GDPD1: variants seen among roughly 807,000 people sequenced by gnomAD.
GDPD1 encodes the protein glycerophosphodiester phosphodiesterase domain containing 1.
Under a neutral mutation model 45.1 loss-of-function variants are expected in GDPD1, and 28 were observed. The ratio of observed to expected loss-of-function variants is 0.62; its 90% CI spans 0.46 to 0.85. The LOEUF (loss-of-function observed/expected upper bound fraction) is 0.85. Ranked by LOEUF, GDPD1 falls within the 40% of genes least tolerant of loss-of-function variation. The pLI is 0.00. For missense variants in GDPD1, 256 were observed against 364.8 expected, an observed-to-expected ratio of 0.70 and a Z score of 2.43; for synonymous variants, 139 against 131.4, an observed-to-expected ratio of 1.06 and a Z score of -0.40.
chr17:59,229,128 A>G (rs765801455), intron 1 of GDPD1, among the ~76,000 whole-genome samples: 15 of 92,862 alleles, frequency 1.6e-4, no homozygotes, highest in African/African-American at 4.8e-4. Context: ...AATTGTTATT[A>G]TTATTATTAT....
chr17:59,260,533 C>T (rs1163078209), intron 6 of GDPD1, among the ~76,000 whole-genome samples: 2 of 151,208 alleles, frequency 1.3e-5, no homozygotes, highest in Non-Finnish European at 3.0e-5. Context: ...GAGACCGAGA[C>T]TCTTCTAAAA....
rs559210967 is a variant in GDPD1 at position 59,222,830 on chromosome 17, T to C, written c.142+2079T>C. Among the ~76,000 whole-genome samples, 41 of 152,288 alleles carry C rather than the reference T, an allele frequency of 2.7e-4. No individual in the cohort carries two copies. In the Middle Eastern group the frequency reaches 0.017, roughly 63 times the overall value. ...GCACCCTGCCAGAGGCAATTTTCAA[T>C]GATAGTAGTCCTATTCTGGGGATAG... On this transcript the variant is annotated intron_variant, in intron 1 of 9. Coordinates refer to ENST00000284116, the MANE Select transcript of GDPD1 (RefSeq NM_182569.4).
intron 5 of GDPD1, 94 bp from the exon 6 acceptor site, chr17:59,257,655 TCA>T: frequency 1.3e-6 from 1 of 763,682 alleles, no homozygotes. Flanking sequence ...TGCTATTCAT[TCA>T]CAGATAGTCA....
chr17:59,272,256 C>G (rs908390349), intron 8 of GDPD1, among the ~76,000 whole-genome samples: 1 of 152,122 alleles, frequency 6.6e-6, no homozygotes. Context: ...TGAAAGTTCA[C>G]TTATCAGTGA....
At chr17:59,222,072 C>G (rs1177430108) in intron 1 of GDPD1, among the ~76,000 whole-genome samples, 2 of 152,138 alleles carry the variant, frequency 1.3e-5, no homozygotes, top group Non-Finnish European at 2.9e-5. Context: ...TTAATAGCTA[C>G]CTGGTTAAAC....
chr17:59,248,729 T>C lies in GDPD1; in HGVS notation c.322-11T>C, dbSNP rs761778372. On this transcript the variant is annotated splice_polypyrimidine_tract_variant and intron_variant, in intron 3 of 9. Coordinates refer to ENST00000284116, the MANE Select transcript of GDPD1 (RefSeq NM_182569.4). ...AGAGTTAACTTTTTTTTCAATCATATCTTTTTAAAGGAGCTCCCACCTTAC... is the reference window on the plus strand; with the variant it reads ...AGAGTTAACTTTTTTTTCAATCATACCTTTTTAAAGGAGCTCCCACCTTAC... 6.3e-7 allele frequency: 1 copy of C among 1,580,864 alleles called. No individual in the cohort carries two copies. Among genetic ancestry groups the C allele is most frequent in the Non-Finnish European group, 8.6e-7 (1 of 1,161,716 alleles).
At chr17:59,255,778 T>TATAC (rs1555724169) in intron 4 of GDPD1, among the ~76,000 whole-genome samples, 4 of 77,186 alleles carry the variant, frequency 5.2e-5, no homozygotes, top group Non-Finnish European at 8.8e-5. Context: ...TATATATATA[T>TATAC]ATATATACGC....
At chr17:59,241,049 T>C (rs1178082064) in intron 2 of GDPD1, among the ~76,000 whole-genome samples, 1 of 152,230 alleles carries the variant, frequency 6.6e-6, no homozygotes, top group Non-Finnish European at 1.5e-5. Flanking sequence ...AGTACAGTAA[T>C]GTGCTGTACA....
intron 1 of GDPD1, among the ~76,000 whole-genome samples, chr17:59,232,486 A>G (rs2047099133): frequency 6.6e-6 from 1 of 152,186 alleles, no homozygotes. Flanking sequence ...CACTGAAAGA[A>G]ATGGATATCG....
At chr17:59,265,893 CCT>C (rs2147903877) in intron 6 of GDPD1, among the ~76,000 whole-genome samples, 1 of 128,906 alleles carries the variant, frequency 7.8e-6, no homozygotes, top group East Asian at 2.4e-4. Flanking sequence ...GACAGTGAGA[CCT>C]TATCTCAAAA....
At chr17:59,247,174 A>G (rs919964748) in intron 3 of GDPD1, among the ~76,000 whole-genome samples, 1 of 152,202 alleles carries the variant, frequency 6.6e-6, no homozygotes, top group Non-Finnish European at 1.5e-5. Context: ...CAGTTACCGC[A>G]CAGACACAGA....
chr17:59,253,457 G>GT (rs2047271449), intron 4 of GDPD1, among the ~76,000 whole-genome samples: 1 of 152,094 alleles, frequency 6.6e-6, no homozygotes, highest in African/African-American at 2.4e-5. Flanking sequence ...TCCCACCTCA[G>GT]CCTTCCAAAG....
chr17:59,224,230 G>A (rs73321256), intron 1 of GDPD1, among the ~76,000 whole-genome samples: 3,983 of 152,072 alleles, frequency 0.026, 195 homozygotes, highest in African/African-American at 0.089. Flanking sequence ...GTTCAAGATG[G>A]GCCAATGGAT....
chr17:59,241,411 G>A (rs746758831), intron 2 of GDPD1, among the ~76,000 whole-genome samples: 11 of 152,068 alleles, frequency 7.2e-5, no homozygotes, highest in Non-Finnish European at 1.3e-4. Context: ...TCTGCCTCCC[G>A]GGTTCAAGCA....
chr17:59,221,249 T>C (rs2047002068), intron 1 of GDPD1, among the ~76,000 whole-genome samples: 1 of 151,798 alleles, frequency 6.6e-6, no homozygotes, highest in Non-Finnish European at 1.5e-5. Flanking sequence ...ACCCCTTGTC[T>C]GCGGTGCTGG....
At chr17:59,269,335 G>C (rs1208896396) in intron 7 of GDPD1, among the ~76,000 whole-genome samples, 3 of 151,892 alleles carry the variant, frequency 2.0e-5, no homozygotes, top group Admixed American at 6.6e-5. Context: ...GTACTCTTGT[G>C]CTCAACTTCT....
At chr17:59,242,884 A>C (rs748694370) in intron 2 of GDPD1, among the ~76,000 whole-genome samples, 19 of 152,138 alleles carry the variant, frequency 1.2e-4, no homozygotes, top group Non-Finnish European at 2.6e-4. Context: ...TGCAGTGCAC[A>C]TGTGGGCATT....
At chr17:59,250,782 C>T (rs1448206418) in intron 4 of GDPD1, among the ~76,000 whole-genome samples, 1 of 152,146 alleles carries the variant, frequency 6.6e-6, no homozygotes, top group Non-Finnish European at 1.5e-5. Flanking sequence ...TCACTGCAAC[C>T]TCCACCTCCT....
At chr17:59,233,524 A>G (rs201628144) in intron 1 of GDPD1, among the ~76,000 whole-genome samples, 2 of 150,960 alleles carry the variant, frequency 1.3e-5, no homozygotes, top group Admixed American at 6.6e-5. Context: ...AAAAAAAAAA[A>G]AAAAAGAAAG....
Sources: allele counts gnomAD v4.1 joint callset (sites outside exome capture counted in the v4.1 genomes callset), GRCh38; gene constraint gnomAD v4.1.1; transcripts MANE v1.5; gene names NCBI Gene and HGNC (gene_info 2026-07-23, HGNC 2026-07-21).